Variants in FIGN observed in about 807,000 individuals in gnomAD.
FIGN encodes the protein fidgetin.
A neutral mutation model predicts 51.3 loss-of-function variants in FIGN; 11 were observed. The observed-to-expected ratio is 0.21, with a 90% CI of 0.13 to 0.35. The LOEUF is 0.35. Among genes scored for constraint, FIGN ranks in the 10% least tolerant of loss-of-function variants. The pLI, the probability that FIGN is intolerant of heterozygous loss-of-function variation, is 1.00. For synonymous variants in FIGN, 407 were observed against 363.2 expected (o/e 1.12, Z -1.37); for missense variants, 857 against 943.6 (o/e 0.91, Z 1.20).
chr2:163,701,169 C>T (rs922514936), intron 2 of FIGN, among the ~76,000 whole-genome samples: 6 of 152,114 alleles, frequency 3.9e-5, no homozygotes, highest in African/African-American at 1.2e-4. Context: ...AAGTCCTCTG[C>T]AACTTCTTAA....
chr2:163,732,228 A>C (rs1684942366), intron 2 of FIGN, among the ~76,000 whole-genome samples: 1 of 152,200 alleles, frequency 6.6e-6, no homozygotes, highest in Admixed American at 6.5e-5. Context: ...CAAAGGACTT[A>C]TGTGTCCATG....
intron 2 of FIGN, among the ~76,000 whole-genome samples, chr2:163,615,029 ATTTCT>A (rs1184498516): frequency 6.6e-6 from 1 of 152,136 alleles, no homozygotes; most frequent in Non-Finnish European, 1.5e-5. Flanking sequence ...ATTTCGTAAG[ATTTCT>A]TTTTTACCTG....
At chr2:163,670,357 G>A (rs1683857325) in intron 2 of FIGN, among the ~76,000 whole-genome samples, 1 of 152,134 alleles carries the variant, frequency 6.6e-6, no homozygotes, top group Non-Finnish European at 1.5e-5. Flanking sequence ...AAAGAAACAA[G>A]TACCTTAACA....
chr2:163,666,827 G>A (rs1451143090), intron 2 of FIGN, among the ~76,000 whole-genome samples: 2 of 151,480 alleles, frequency 1.3e-5, no homozygotes, highest in African/African-American at 2.4e-5. Flanking sequence ...TTTGGGGTTT[G>A]AACATAAATT....
chr2:163,662,758 C>T (rs1683709814), intron 2 of FIGN, among the ~76,000 whole-genome samples: 1 of 152,136 alleles, frequency 6.6e-6, no homozygotes, highest in South Asian at 2.1e-4. Flanking sequence ...AGAATTCCCC[C>T]TGTTGTCAGA....
intron 2 of FIGN, among the ~76,000 whole-genome samples, chr2:163,701,479 T>A (rs1247594790): frequency 6.6e-6 from 1 of 152,150 alleles, no homozygotes; most frequent in African/African-American, 2.4e-5. Context: ...AACCAGAGGC[T>A]GAGTGTAAAG....
At chr2:163,612,700 G>GTGTA (rs1188233035) in intron 2 of FIGN, 1 of 432,350 alleles carries the variant, frequency 2.3e-6, no homozygotes, top group Non-Finnish European at 3.1e-6. Context: ...GAATGTGTGT[G>GTGTA]TGTGTGTGTG....
chr2:163,628,238 T>A (rs1433428797), intron 2 of FIGN, among the ~76,000 whole-genome samples: 2 of 134,892 alleles, frequency 1.5e-5, no homozygotes, highest in Admixed American at 1.5e-4. Context: ...CCAAATCTAA[T>A]AGAGAGAGGT....
At chr2:163,611,907 ATG>A in intron 2 of FIGN, 101 bp from the exon 3 acceptor site, 1 of 800,164 alleles carries the variant, frequency 1.2e-6, no homozygotes, top group Non-Finnish European at 2.0e-6. Flanking sequence ...TTTTCCATTA[ATG>A]ATATGCATAC....
chr2:163,734,869 GAT>G (rs1336377451), intron 2 of FIGN, 32 bp downstream of exon 2: 4 of 1,590,232 alleles, frequency 2.5e-6, no homozygotes, highest in Non-Finnish European at 3.4e-6. Context: ...TTCCTATTTA[GAT>G]GCAAAGGAAG....
intron 2 of FIGN, among the ~76,000 whole-genome samples, chr2:163,678,381 C>T (rs1684007331): frequency 6.6e-6 from 1 of 151,984 alleles, no homozygotes; most frequent in East Asian, 1.9e-4. Context: ...CCATCACGCC[C>T]AGCTAATTTT....
chr2:163,621,789 GAA>G (rs1682977305), intron 2 of FIGN, among the ~76,000 whole-genome samples: 1 of 152,138 alleles, frequency 6.6e-6, no homozygotes. Context: ...TAAAAACAAA[GAA>G]TGCTGCATAA....
intron 2 of FIGN, among the ~76,000 whole-genome samples, chr2:163,632,041 G>A (rs1683153365): frequency 6.6e-6 from 1 of 152,112 alleles, no homozygotes; most frequent in East Asian, 1.9e-4. Flanking sequence ...CCAGCTACTT[G>A]GGAGGCTAAG....
intron 2 of FIGN, among the ~76,000 whole-genome samples, chr2:163,714,018 G>C (rs16848830): frequency 0.025 from 3,816 of 152,186 alleles, 165 homozygotes; most frequent in African/African-American, 0.087. Context: ...TGGTCAGCTC[G>C]GGCACTTGCA....
In FIGN at chr2:163,609,789, G is replaced by C; in HGVS notation, c.2043C>G (p.Leu681=). The change falls in exon 3 of 3, where the codon CTC becomes CTG. Residue 681 remains leucine (L), a synonymous_variant. Transcript: ENST00000333129. ...YCLNDKEFAL[L]VQRTEGFSGL... ...CAGAAAAGCCTTCTGTGCGCTGGAC[G>C]AGCAGTGCAAACTCCTTGTCATTGA... The C allele has an allele frequency of 6.2e-7, 1 of 1,614,094 alleles. No homozygotes were observed. Among genetic ancestry groups the C allele is most frequent in the Non-Finnish European group, 8.5e-7 (1 of 1,180,010 alleles).
rs569276899 is a variant in FIGN at position 163,620,705 on chromosome 2, C to T, written c.26-8899G>A. ...AGTTGATTCTCAAAATACTGTTTTG[C>T]CGTACAAAATATATTTGCATTTTTA... On this transcript the variant is annotated intron_variant, in intron 2 of 2. Transcript: ENST00000333129. Among the ~76,000 whole-genome samples, 44 of 152,090 alleles carry T rather than the reference C, an allele frequency of 2.9e-4. 2 individuals are homozygous for T. The East Asian group carries it at 7.9e-3, about 27-fold the overall frequency.
intron 2 of FIGN, among the ~76,000 whole-genome samples, chr2:163,732,564 A>G (rs1029066339): frequency 6.6e-6 from 1 of 152,202 alleles, no homozygotes; most frequent in Admixed American, 6.5e-5. Context: ...ATCACTAAAT[A>G]TATTATAAAT....
intron 2 of FIGN, among the ~76,000 whole-genome samples, chr2:163,629,648 C>T (rs1683113279): frequency 6.6e-6 from 1 of 152,106 alleles, no homozygotes; most frequent in African/African-American, 2.4e-5. Context: ...AACACAGCCA[C>T]ACCCATTTGT....
At chr2:163,676,604 T>C (rs1683974650) in intron 2 of FIGN, among the ~76,000 whole-genome samples, 1 of 151,478 alleles carries the variant, frequency 6.6e-6, no homozygotes, top group Non-Finnish European at 1.5e-5. Flanking sequence ...ATTAAAATAA[T>C]AAATGTCATT....
Sources: gnomAD v4.1 joint callset for allele counts (sites outside exome capture counted in the v4.1 genomes callset) on GRCh38, gnomAD v4.1.1 for gene constraint, MANE v1.5 for transcripts, NCBI Gene and HGNC (gene_info 2026-07-23, HGNC 2026-07-21) for gene names.